PLAT: variants seen among roughly 807,000 people sequenced by gnomAD.
The protein encoded by PLAT is tissue-type plasminogen activator.
In PLAT, 48 loss-of-function variants were observed where a neutral mutation model predicts 74.9. The observed-to-expected ratio is 0.64, with a 90% confidence interval of 0.51 to 0.82. The LOEUF (loss-of-function observed/expected upper bound fraction) is 0.82. Among genes scored for constraint, PLAT ranks in the 40% least tolerant of loss-of-function variants. The pLI, the probability that PLAT is intolerant of heterozygous loss-of-function variation, is 0.00. For synonymous variants in PLAT, 307 were observed against 294.4 expected, an observed-to-expected ratio of 1.04 and a Z score of -0.44; for missense variants, 673 against 736.2, an observed-to-expected ratio of 0.91 and a Z score of 0.99.
chr8:42,190,654 T>TTTTA (rs981334802), intron 3 of PLAT, among the ~76,000 whole-genome samples: 5 of 152,078 alleles, frequency 3.3e-5, no homozygotes, highest in Admixed American at 2.0e-4. Context: ...GAGTCACCCT[T>TTTTA]TTTAACACCT....
chr8:42,183,389 A>G (rs776590441), intron 7 of PLAT, among the ~76,000 whole-genome samples: 2 of 152,114 alleles, frequency 1.3e-5, no homozygotes, highest in Non-Finnish European at 2.9e-5. Flanking sequence ...CTAGATTGCT[A>G]TGTTGAGAGA....
chr8:42,189,257 C>G (rs1371886940), intron 3 of PLAT, among the ~76,000 whole-genome samples, 186 bp from the exon 4 acceptor site: 1 of 152,164 alleles, frequency 6.6e-6, no homozygotes, highest in Non-Finnish European at 1.5e-5. Flanking sequence ...GTGACTGATG[C>G]TGGTAATCCC....
At chr8:42,179,811 C>T in intron 12 of PLAT, 115 bp downstream of exon 12, 2 of 1,050,816 alleles carry the variant, frequency 1.9e-6, no homozygotes, top group Non-Finnish European at 2.7e-6. Context: ...GGACTGGCGT[C>T]AGTGCCTGAC....
In PLAT at chr8:42,182,719, C is replaced by T. The variant is rs137943008; in HGVS notation, c.803G>A (p.Arg268Gln). ...ALGLGKHNYC[R>Q]NPDGDAKPWC... Reference sequence around the variant, plus strand: ...AACCCCCCACCCCTGTGCTACCTACCGGCAGTAATTATGTTTGCCCAGGCC... The same window carrying T: ...AACCCCCCACCCCTGTGCTACCTACTGGCAGTAATTATGTTTGCCCAGGCC... Residue 268 changes from arginine (R) to glutamine (Q), a missense_variant and splice_region_variant, in exon 8 of 14, where the codon CGG becomes CAG. Coordinates refer to ENST00000220809, the MANE Select transcript of PLAT (RefSeq NM_000930.5). 24 of 1,601,550 alleles carry T rather than the reference C, an allele frequency of 1.5e-5. No homozygotes were observed. Among genetic ancestry groups the T allele is most frequent in the Admixed American group, 1.7e-5 (1 of 57,436 alleles).
intron 1 of PLAT, among the ~76,000 whole-genome samples, chr8:42,197,089 T>C (rs117453302): frequency 0.029 from 4,392 of 152,252 alleles, 125 homozygotes; most frequent in African/African-American, 0.073. Flanking sequence ...AGGTACCCTC[T>C]CTGTTGGATG....
intron 3 of PLAT, among the ~76,000 whole-genome samples, chr8:42,191,107 G>A (rs987469023): frequency 6.6e-6 from 1 of 152,096 alleles, no homozygotes; most frequent in Non-Finnish European, 1.5e-5. Flanking sequence ...CCCAGCCCCC[G>A]CTAGGTTGTG....
At chr8:42,202,711 G>C (rs1176775703) in intron 1 of PLAT, among the ~76,000 whole-genome samples, 1 of 152,182 alleles carries the variant, frequency 6.6e-6, no homozygotes, top group Non-Finnish European at 1.5e-5. Context: ...TAGACACTCA[G>C]GGTACAGCAG....
chr8:42,205,780 T>C (rs1220593019), intron 1 of PLAT, among the ~76,000 whole-genome samples: 2 of 152,200 alleles, frequency 1.3e-5, no homozygotes, highest in Non-Finnish European at 2.9e-5. Flanking sequence ...AGCCATACCT[T>C]GGCCACCTTG....
At chr8:42,184,204 G>A (rs148026293) in intron 7 of PLAT, among the ~76,000 whole-genome samples, 1,740 of 151,980 alleles carry the variant, frequency 0.011, 13 homozygotes, top group Non-Finnish European at 0.019. Context: ...GCCTCCCAAA[G>A]TGCTGGGATT....
chr8:42,195,842 C>G (rs776090378), intron 1 of PLAT: 3 of 152,182 alleles, frequency 2.0e-5, no homozygotes, highest in Non-Finnish European at 4.4e-5. Flanking sequence ...TTAAGCAAGA[C>G]CCAAGGATGG....
At position 42,178,618 on chromosome 8, in the gene PLAT, C is replaced by CA. The variant is rs1241640267; in HGVS notation, c.1530+278dup. On this transcript the variant is annotated intron_variant, in intron 13 of 13. Coordinates refer to ENST00000220809, the MANE Select transcript of PLAT (RefSeq NM_000930.5). ...TGGCTCTCTCCATCACTTCAATAGT[C>CA]AATCAATTGCCTGGGCTGAAAGGAA... Among the ~76,000 whole-genome samples, 6 of 152,208 alleles carry CA rather than the reference C, an allele frequency of 3.9e-5. No homozygotes were observed. In the East Asian group the frequency reaches 9.6e-4, roughly 24 times the overall value.
rs1029549544 is a variant in PLAT at position 42,197,713 on chromosome 8, C to A, written c.-26-4502G>T. 7.9e-5 allele frequency among the ~76,000 whole-genome samples: 12 copies of A among 152,278 alleles called. No individual in the cohort carries two copies. In the South Asian group the frequency reaches 1.7e-3, roughly 21 times the overall value. ...CTGTCTCAGTGCCTGTGTATTACAT[C>A]CCCCTCTATCTGCCTCTACCGGCCC... On this transcript the variant is annotated intron_variant, in intron 1 of 13. Transcript: ENST00000220809.
chr8:42,176,223 A>G (rs1804969813), intron 13 of PLAT, 72 bp from the exon 14 acceptor site: 1 of 1,104,246 alleles, frequency 9.1e-7, no homozygotes, highest in Non-Finnish European at 1.3e-6. Flanking sequence ...TATGTGTAGC[A>G]TGAACATCGT....
At chr8:42,206,574 A>G (rs1181242498) in intron 1 of PLAT, 2 of 152,178 alleles carry the variant, frequency 1.3e-5, no homozygotes, top group Non-Finnish European at 2.9e-5. Flanking sequence ...GGAGACCACC[A>G]TATTATTCCC....
At chr8:42,181,328 C>A (rs907976329) in intron 9 of PLAT, among the ~76,000 whole-genome samples, 1 of 152,218 alleles carries the variant, frequency 6.6e-6, no homozygotes, top group African/African-American at 2.4e-5. Flanking sequence ...GCAATATGCA[C>A]CAACTTGAAT....
chr8:42,203,637 A>C (rs1806215106), intron 1 of PLAT, among the ~76,000 whole-genome samples: 1 of 152,174 alleles, frequency 6.6e-6, no homozygotes, highest in African/African-American at 2.4e-5. Flanking sequence ...TGGCATACAT[A>C]GAAAATATTT....
Position 42,175,852 on chromosome 8 carries a change from C to T in PLAT, c.*141G>A, listed in dbSNP as rs1254008614. 4 of 726,052 alleles carry T rather than the reference C, an allele frequency of 5.5e-6. No homozygotes were observed. The highest frequency in any genetic ancestry group is 2.3e-6 in the Non-Finnish European group (1 of 440,358). The allele number at this position is 726,052 out of a possible 1,614,324, so 45.0% of individuals were successfully genotyped here. On this transcript the variant is annotated 3_prime_UTR_variant, in exon 14 of 14. Coordinates refer to ENST00000220809, the MANE Select transcript of PLAT (RefSeq NM_000930.5). ...GAAGTATCTGGGAAAATGCACTCTT[C>T]CCTCTCCTGTAGGGTCTCGTCCCGC...
intron 12 of PLAT, among the ~76,000 whole-genome samples, chr8:42,179,485 A>G (rs1005471905): frequency 6.6e-6 from 1 of 151,986 alleles, no homozygotes; most frequent in African/African-American, 2.4e-5. Flanking sequence ...ATATTATCTC[A>G]TTTAACCCTC....
Position 42,180,372 on chromosome 8 carries a change from C to T in PLAT, c.1092G>A (p.Pro364=), listed in dbSNP as rs374730133. Residue 364 remains proline (P), a synonymous_variant, in exon 11 of 14, where the codon CCG becomes CCA. Coordinates refer to ENST00000220809, the MANE Select transcript of PLAT (RefSeq NM_000930.5). ...SAAHCFQERF[P]PHHLTVILGR... is the part of the protein sequence containing the mutation. ...CCAAGATCACCGTCAGGTGGTGGGG[C>T]GGAAACCTGGTGGAGAAACAGCCTT... 9 of 1,614,210 alleles carry T rather than the reference C, an allele frequency of 5.6e-6. No homozygotes were observed. The highest frequency in any genetic ancestry group is 7.6e-6 in the Non-Finnish European group (9 of 1,180,014).
Sources: allele counts gnomAD v4.1 joint callset (sites outside exome capture counted in the v4.1 genomes callset), GRCh38; gene constraint gnomAD v4.1.1; transcripts MANE v1.5; gene names NCBI Gene and HGNC (gene_info 2026-07-23, HGNC 2026-07-21).